RYK: variants seen among roughly 807,000 people sequenced by gnomAD.
The protein encoded by RYK is inactive tyrosine-protein kinase RYK.
RYK carries 21 observed loss-of-function variants against 70.2 expected under a neutral mutation model. The observed-to-expected ratio is 0.30, with a 90% CI of 0.21 to 0.43. The LOEUF is 0.43. Ranked by LOEUF, RYK falls within the 20% of genes least tolerant of loss-of-function variation. The pLI is 1.00. For missense variants in RYK, 604 were observed against 753.3 expected, an observed-to-expected ratio of 0.80 and a Z score of 2.32; for synonymous variants, 267 against 278.0, an observed-to-expected ratio of 0.96 and a Z score of 0.39.
intron 1 of RYK, among the ~76,000 whole-genome samples, chr3:134,236,316 A>C (rs2015199852): frequency 6.6e-6 from 1 of 152,196 alleles, no homozygotes; most frequent in Non-Finnish European, 1.5e-5. Context: ...CCCTCAATGA[A>C]CAATCCAAAA....
At chr3:134,231,820 G>A (rs889490605) in intron 1 of RYK, among the ~76,000 whole-genome samples, 3 of 152,032 alleles carry the variant, frequency 2.0e-5, no homozygotes, top group African/African-American at 7.2e-5. Context: ...ATCAAACTAT[G>A]CCACCCTCTA....
chr3:134,230,445 T>G (rs1398623364), intron 1 of RYK, among the ~76,000 whole-genome samples: 1 of 152,130 alleles, frequency 6.6e-6, no homozygotes, highest in Non-Finnish European at 1.5e-5. Flanking sequence ...CATCAACAGA[T>G]GAACGGATAA....
In RYK at chr3:134,250,655, GGCCGCC is replaced by G. The variant is rs1374122514; in HGVS notation, c.-7_-2del. ...GCCCCAGCCGCGCCGCCCCACGCAT[GGCCGCC>G]GCCGCCGCCGCCGAAGAGGAGCGTC... On this transcript the variant is annotated 5_prime_UTR_variant, in exon 1 of 15. Coordinates refer to ENST00000623711, the MANE Select transcript of RYK (RefSeq NM_002958.4). The G allele has an allele frequency of 5.3e-5, 52 of 981,022 alleles. 1 individual carries two copies. The South Asian group carries it at 1.6e-3, about 30-fold the overall frequency. 60.8% of individuals were successfully genotyped at this position (981,022 alleles called of 1,614,324 possible). A position where few individuals can be genotyped will look rare whatever the true frequency, so the allele number is the denominator to read the frequency against.
At chr3:134,176,097 C>A in intron 11 of RYK, 58 bp from the exon 12 acceptor site, 1 of 1,039,246 alleles carries the variant, frequency 9.6e-7, no homozygotes, top group Non-Finnish European at 1.5e-6. Context: ...ATGGCACTTT[C>A]TTACTTTTTT....
intron 1 of RYK, among the ~76,000 whole-genome samples, chr3:134,242,954 C>T (rs1343356102): frequency 8.5e-5 from 13 of 152,312 alleles, no homozygotes; most frequent in East Asian, 3.9e-4. Context: ...TCCACCAAAA[C>T]GCCTAGGGTT....
At chr3:134,209,274 G>C (rs2014316873) in intron 4 of RYK, among the ~76,000 whole-genome samples, 1 of 152,140 alleles carries the variant, frequency 6.6e-6, no homozygotes, top group African/African-American at 2.4e-5. Flanking sequence ...TAAGTAACTT[G>C]TATCAATATC....
In RYK at chr3:134,199,958, A is replaced by C. The variant is rs1445580467; in HGVS notation, c.788+2772T>G. 2.5e-3 allele frequency among the ~76,000 whole-genome samples: 378 copies of C among 151,760 alleles called. 3 individuals carry two copies. Among genetic ancestry groups the C allele is most frequent in the African/African-American group, 8.6e-3 (354 of 41,266 alleles). On this transcript the variant is annotated intron_variant, in intron 6 of 14. Transcript: ENST00000623711. ...CTTTGAGAACTTTTCTGTCTAGCTA[A>C]AGGTTTGTAAACGCACCAATCAGCA...
intron 3 of RYK, among the ~76,000 whole-genome samples, chr3:134,211,140 G>C (rs771944536): frequency 6.6e-6 from 1 of 152,158 alleles, no homozygotes; most frequent in Non-Finnish European, 1.5e-5. Context: ...TGGGAGTGGA[G>C]AGCACTGATG....
At chr3:134,199,162 C>A (rs1684826532) in intron 6 of RYK, among the ~76,000 whole-genome samples, 1 of 152,234 alleles carries the variant, frequency 6.6e-6, no homozygotes, top group Non-Finnish European at 1.5e-5. Flanking sequence ...GGGAAAGCCA[C>A]ACACATGAGC....
intron 2 of RYK, among the ~76,000 whole-genome samples, chr3:134,212,280 A>ACAGAAC (rs2014423087): frequency 6.6e-6 from 1 of 152,242 alleles, no homozygotes; most frequent in African/African-American, 2.4e-5. Flanking sequence ...ATGTGGCTTA[A>ACAGAAC]CAGAACCAAT....
intron 10 of RYK, chr3:134,180,426 T>C (rs1027449981): frequency 1.3e-5 from 2 of 152,192 alleles, no homozygotes; most frequent in African/African-American, 2.4e-5. Context: ...TGTTAAAACA[T>C]GAAGCAAACA....
chr3:134,204,463 C>T (rs112817791), intron 5 of RYK, among the ~76,000 whole-genome samples: 1 of 152,108 alleles, frequency 6.6e-6, no homozygotes, highest in African/African-American at 2.4e-5. Context: ...CACACCACTG[C>T]ACTCCAGCCT....
At position 134,247,247 on chromosome 3, in the gene RYK, T is replaced by G. The variant is rs569520264; in HGVS notation, c.232+3176A>C. Reference sequence around the variant, plus strand: ...AGAGAGAAATGAGAAAGAGCTCAGTTATGATACTAGAAAGTCAAAGACTTA... The same window carrying G: ...AGAGAGAAATGAGAAAGAGCTCAGTGATGATACTAGAAAGTCAAAGACTTA... On this transcript the variant is annotated intron_variant, in intron 1 of 14. Transcript: ENST00000623711. 3.3e-5 allele frequency among the ~76,000 whole-genome samples: 5 copies of G among 152,312 alleles called. No individual in the cohort carries two copies. The South Asian group carries it at 1.0e-3, about 32-fold the overall frequency.
At chr3:134,235,226 C>T (rs2015170152) in intron 1 of RYK, among the ~76,000 whole-genome samples, 1 of 151,810 alleles carries the variant, frequency 6.6e-6, no homozygotes, top group Non-Finnish European at 1.5e-5. Context: ...GTTTCAACTA[C>T]ATAAAGAAAA....
chr3:134,233,461 A>G (rs1408400117), intron 1 of RYK, among the ~76,000 whole-genome samples: 2 of 152,192 alleles, frequency 1.3e-5, no homozygotes. Context: ...CAATAATTCC[A>G]TTACTAAAAT....
chr3:134,202,676 A>G (rs2014062525), intron 6 of RYK, 54 bp downstream of exon 6: 5 of 1,536,368 alleles, frequency 3.3e-6, no homozygotes, highest in Admixed American at 1.7e-5. Context: ...GGGCTCCCAC[A>G]TATATACAAA....
intron 2 of RYK, among the ~76,000 whole-genome samples, chr3:134,218,860 G>A (rs2014644419): frequency 6.6e-6 from 1 of 152,276 alleles, no homozygotes; most frequent in Admixed American, 6.5e-5. Flanking sequence ...TGGGTCACAA[G>A]AGAGGTAGGA....
intron 10 of RYK, chr3:134,181,367 G>C (rs984259670): frequency 6.6e-6 from 1 of 152,084 alleles, no homozygotes; most frequent in African/African-American, 2.4e-5. Flanking sequence ...GAAGCTAGGA[G>C]GTGTTTTATG....
intron 1 of RYK, among the ~76,000 whole-genome samples, chr3:134,228,615 A>G (rs1015996424): frequency 4.6e-5 from 7 of 152,228 alleles, no homozygotes; most frequent in African/African-American, 1.2e-4. Flanking sequence ...ACCGCATGAC[A>G]TCACTCATAT....
Sources: gnomAD v4.1 joint callset for allele counts (sites outside exome capture counted in the v4.1 genomes callset) on GRCh38, gnomAD v4.1.1 for gene constraint, MANE v1.5 for transcripts, NCBI Gene and HGNC (gene_info 2026-07-23, HGNC 2026-07-21) for gene names.